Variants in TNPO3 observed in about 807,000 individuals in gnomAD.
The protein encoded by TNPO3 is transportin 3, also known as transportin-3.
Under a neutral mutation model 122.8 loss-of-function variants are expected in TNPO3, and 65 were observed. That is an observed-to-expected ratio of 0.53 (90% CI 0.43 to 0.65). TNPO3 has a LOEUF of 0.65. Ranked by LOEUF, TNPO3 falls within the 30% of genes least tolerant of loss-of-function variation. The probability of loss-of-function intolerance (pLI) is 0.00; values close to 1 mark genes in which losing one functional copy is unlikely to be tolerated. For missense variants in TNPO3, 850 were observed against 1,136.7 expected (o/e 0.75, Z 3.63); for synonymous variants, 372 against 411.2 (o/e 0.90, Z 1.15).
intron 11 of TNPO3, among the ~76,000 whole-genome samples, chr7:128,988,915 C>T (rs530615871): frequency 1.8e-4 from 27 of 152,042 alleles, no homozygotes; most frequent in Admixed American, 1.0e-3. Flanking sequence ...CCTGTCTCCA[C>T]TAAAAATACA....
intron 1 of TNPO3, among the ~76,000 whole-genome samples, chr7:129,043,044 A>G (rs1276702599): frequency 1.3e-5 from 2 of 152,140 alleles, no homozygotes; most frequent in Non-Finnish European, 2.9e-5. Flanking sequence ...AGCTAAATAT[A>G]TAATCAAAAG....
intron 4 of TNPO3, among the ~76,000 whole-genome samples, chr7:129,013,129 C>T (rs1364346266): frequency 6.6e-6 from 1 of 152,062 alleles, no homozygotes; most frequent in South Asian, 2.1e-4. Context: ...TCATAATATA[C>T]AAAAATCAAA....
chr7:128,961,915 T>C (rs1432507832), intron 21 of TNPO3, among the ~76,000 whole-genome samples: 5 of 152,202 alleles, frequency 3.3e-5, no homozygotes, highest in East Asian at 3.8e-4. Context: ...CAAGTAGTCA[T>C]AGAATAAACA....
Position 129,054,970 on chromosome 7 carries a change from G to A in TNPO3, c.-200C>T. 1 of 627,342 alleles carries A rather than the reference G, an allele frequency of 1.6e-6. No individual in the cohort carries two copies. Among genetic ancestry groups the A allele is most frequent in the Non-Finnish European group, 2.7e-6 (1 of 368,946 alleles). 38.9% of individuals were successfully genotyped at this position (627,342 alleles called of 1,614,324 possible). A position where few individuals can be genotyped will look rare whatever the true frequency, so the allele number is the denominator to read the frequency against. ...GGAAACAGCTATTAGGTCGTATTCAGGTTCCTGGCCTTTTTTCCGGTTTTT... is the reference window on the plus strand; with the variant it reads ...GGAAACAGCTATTAGGTCGTATTCAAGTTCCTGGCCTTTTTTCCGGTTTTT... On this transcript the variant is annotated 5_prime_UTR_variant, in exon 1 of 23. Transcript: ENST00000265388.
intron 1 of TNPO3, among the ~76,000 whole-genome samples, chr7:129,026,944 C>T (rs1805256983): frequency 6.6e-6 from 1 of 152,016 alleles, no homozygotes. Flanking sequence ...AGGCATACAT[C>T]ACGGCACCCA....
chr7:129,046,255 A>ATAG (rs1379835124), intron 1 of TNPO3, among the ~76,000 whole-genome samples: 2 of 152,006 alleles, frequency 1.3e-5, no homozygotes, highest in East Asian at 3.8e-4. Flanking sequence ...TTAAGTTTAA[A>ATAG]TAGTCACACT....
intron 16 of TNPO3, among the ~76,000 whole-genome samples, chr7:128,978,277 A>C (rs1799275097): frequency 2.0e-5 from 3 of 152,244 alleles, no homozygotes; most frequent in African/African-American, 4.8e-5. Flanking sequence ...AATCTTAATG[A>C]CTAAAAGAGT....
At chr7:128,957,112 T>TATAAGG in intron 22 of TNPO3, 112 bp downstream of exon 22, 1 of 916,740 alleles carries the variant, frequency 1.1e-6, no homozygotes, top group Non-Finnish European at 1.7e-6. Context: ...AGTCCTTCCC[T>TATAAGG]GACTCTAGCT....
Position 128,989,993 on chromosome 7 carries a change from C to G in TNPO3, c.1466G>C (p.Ser489Thr). 6.2e-7 allele frequency: 1 copy of G among 1,614,218 alleles called. No homozygotes were observed. Among genetic ancestry groups the G allele is most frequent in the South Asian group, 1.1e-5 (1 of 91,084 alleles). Residue 489 changes from serine to threonine, a missense_variant, in exon 11 of 23, where the codon AGT becomes ACT. By Grantham distance (58) the Ser-to-Thr change is moderately conservative. Transcript: ENST00000265388. ...YTSIELVGEMSEVVDRNPQFL... is the reference protein window; with the variant it reads ...YTSIELVGEMTEVVDRNPQFL... ...CTGAGGATTTCGATCAACGACTTCA[C>G]TCATCTCTCCAACCAATTCAATGCT... is the stretch of plus-strand genomic sequence containing the variant.
intron 5 of TNPO3, among the ~76,000 whole-genome samples, chr7:129,003,490 A>G (rs2150387943): frequency 6.6e-6 from 1 of 151,700 alleles, no homozygotes; most frequent in South Asian, 2.1e-4. Flanking sequence ...AATAAAGAGA[A>G]ACCCTGTCTC....
chr7:129,047,066 A>G (rs1472828403), intron 1 of TNPO3, among the ~76,000 whole-genome samples: 2 of 152,234 alleles, frequency 1.3e-5, no homozygotes, highest in Non-Finnish European at 2.9e-5. Context: ...AAACATGACA[A>G]TGCCAACTTA....
chr7:129,014,546 C>T (rs992406710), intron 4 of TNPO3, among the ~76,000 whole-genome samples: 1 of 151,882 alleles, frequency 6.6e-6, no homozygotes, highest in African/African-American at 2.4e-5. Flanking sequence ...CATGTAACCC[C>T]ATAAATATGT....
At chr7:129,012,943 A>G (rs960009786) in intron 4 of TNPO3, among the ~76,000 whole-genome samples, 1 of 152,228 alleles carries the variant, frequency 6.6e-6, no homozygotes, top group Non-Finnish European at 1.5e-5. Flanking sequence ...CTATAGATTT[A>G]CACACTCCTG....
intron 15 of TNPO3, 61 bp downstream of exon 15, chr7:128,979,910 C>T: frequency 6.6e-7 from 1 of 1,504,406 alleles, no homozygotes; most frequent in Non-Finnish European, 9.3e-7. Flanking sequence ...GTGAGTTACC[C>T]AAAGCCCTGT....
intron 4 of TNPO3, among the ~76,000 whole-genome samples, chr7:129,013,241 TTAAG>T (rs1445642558): frequency 2.6e-5 from 4 of 152,094 alleles, no homozygotes; most frequent in African/African-American, 9.7e-5. Flanking sequence ...CAAAGATCTC[TTAAG>T]TAAGACCTCA....
intron 1 of TNPO3, among the ~76,000 whole-genome samples, chr7:129,031,978 C>T (rs766607726): frequency 9.2e-5 from 14 of 152,126 alleles, no homozygotes; most frequent in African/African-American, 2.9e-4. Context: ...TGAGCCATCA[C>T]GCCTGGCTTT....
At chr7:129,007,488 G>C (rs1056739778) in intron 4 of TNPO3, among the ~76,000 whole-genome samples, 1 of 152,056 alleles carries the variant, frequency 6.6e-6, no homozygotes, top group Non-Finnish European at 1.5e-5. Context: ...ATAATGATTC[G>C]TGTATTACCA....
intron 1 of TNPO3, among the ~76,000 whole-genome samples, chr7:129,046,137 A>G (rs1808011381): frequency 7.2e-6 from 1 of 138,612 alleles, no homozygotes; most frequent in South Asian, 2.5e-4. Context: ...TGGAGGTTGC[A>G]GTGAGCCAAG....
chr7:128,994,892 A>G (rs1044592508), intron 8 of TNPO3, among the ~76,000 whole-genome samples: 2 of 152,162 alleles, frequency 1.3e-5, no homozygotes, highest in African/African-American at 4.8e-5. Flanking sequence ...TCCTGAGCTC[A>G]AGCGATCTGC....
Sources: gnomAD v4.1 joint callset for allele counts (sites outside exome capture counted in the v4.1 genomes callset) on GRCh38, gnomAD v4.1.1 for gene constraint, MANE v1.5 for transcripts, NCBI Gene and HGNC (gene_info 2026-07-23, HGNC 2026-07-21) for gene names.